Variants in RAD51AP2 observed in about 807,000 individuals in gnomAD.
The protein encoded by RAD51AP2 is RAD51 associated protein 2, also known as RAD51-associated protein 2.
A neutral mutation model predicts 85.5 loss-of-function variants in RAD51AP2; 67 were observed. That is an observed-to-expected ratio of 0.78 (90% CI 0.64 to 0.96). The LOEUF (loss-of-function observed/expected upper bound fraction) is 0.96, where lower values mean the gene tolerates loss of function less well. RAD51AP2 is among the 40% of genes least tolerant of loss of function. The pLI is 0.00. For synonymous variants in RAD51AP2, 474 were observed against 446.5 expected (o/e 1.06, Z -0.78); for missense variants, 1,307 against 1,332.4 (o/e 0.98, Z 0.30).
the RAD51AP2 span, among the ~76,000 whole-genome samples, chr2:17,528,603 G>T: frequency 1.3e-5 from 2 of 152,150 alleles, no homozygotes; most frequent in Admixed American, 1.3e-4. Flanking sequence ...AGTACTTTGG[G>T]AAGTCAAGGA....
the RAD51AP2 span, among the ~76,000 whole-genome samples, chr2:17,530,879 A>G: frequency 6.6e-6 from 1 of 152,342 alleles, no homozygotes; most frequent in African/African-American, 2.4e-5. Flanking sequence ...TCCTTAATCC[A>G]TCAGATTCAA....
chr2:17,525,905 A>G, the RAD51AP2 span, among the ~76,000 whole-genome samples: 2 of 152,204 alleles, frequency 1.3e-5, no homozygotes, highest in South Asian at 4.1e-4. Flanking sequence ...GGCTTGGAAT[A>G]TAATGTGTAG....
chr2:17,521,037 G>A (rs1374821468), upstream of RAD51AP2, among the ~76,000 whole-genome samples: 1 of 151,880 alleles, frequency 6.6e-6, no homozygotes, highest in African/African-American at 2.4e-5. Context: ...GTATTGAGTT[G>A]TTTATATGTC....
chr2:17,520,183 G>T (rs1662826142), upstream of RAD51AP2, among the ~76,000 whole-genome samples: 1 of 152,012 alleles, frequency 6.6e-6, no homozygotes, highest in African/African-American at 2.4e-5. Flanking sequence ...CCATCCTGAA[G>T]AAACTTACAG....
chr2:17,527,049 GA>G, the RAD51AP2 span, among the ~76,000 whole-genome samples: 1 of 152,118 alleles, frequency 6.6e-6, no homozygotes, highest in Non-Finnish European at 1.5e-5. Context: ...AGAATTTTAA[GA>G]AGGCCAGAAA....
chr2:17,526,955 C>T, the RAD51AP2 span, among the ~76,000 whole-genome samples: 205 of 152,056 alleles, frequency 1.3e-3, 3 homozygotes, highest in African/African-American at 4.8e-3. Flanking sequence ...AAAATTCAGG[C>T]TTTTTGTTTT....
rs776432345 is a variant in RAD51AP2, at chr2:17,515,206, T to A, written c.3210A>T (p.Arg1070Ser). The change falls in exon 1 of 3, where the codon AGA becomes AGT. Residue 1070 changes from arginine to serine, a missense_variant. Physicochemically the swap from Arg to Ser is moderately radical, Grantham distance 110 (BLOSUM62 -1). This residue lies in a region of RAD51AP2 where 668 missense variants were observed against 671.0 expected (regional missense o/e 1.00). Coordinates refer to ENST00000399080, the MANE Select transcript of RAD51AP2 (RefSeq NM_001099218.3). The stretch of plus-strand genomic sequence containing the variant: ...TAGAGTAAAGTAATTCTTCCTCTGA[T>A]CTACTTGGATAACAACTCTCATTAG... ...EVPNESCYPSRSEEELLYSTS... is the reference protein window; with the variant it reads ...EVPNESCYPSSSEEELLYSTS... 13 of 1,596,080 alleles carry A rather than the reference T, an allele frequency of 8.1e-6. No individual in the cohort carries two copies. In the African/African-American group the frequency reaches 1.8e-4, roughly 21 times the overall value.
At chr2:17,537,061 T>C in the RAD51AP2 span, among the ~76,000 whole-genome samples, 5 of 152,372 alleles carry the variant, frequency 3.3e-5, no homozygotes, top group South Asian at 1.0e-3. Flanking sequence ...GGCTCATGCC[T>C]ATAATCTCAG....
chr2:17,518,248 G>T lies in RAD51AP2; in HGVS notation c.168C>A (p.Arg56=). The T allele has an allele frequency of 6.2e-7, 1 of 1,614,160 alleles. No homozygotes were observed. Among genetic ancestry groups the T allele is most frequent in the South Asian group, 1.1e-5 (1 of 91,080 alleles). Residue 56 remains arginine (R), a synonymous_variant, in exon 1 of 3, where the codon CGC becomes CGA. Coordinates refer to ENST00000399080, the MANE Select transcript of RAD51AP2 (RefSeq NM_001099218.3). ...CCCAGACTTTTTCCGCCTCAGACAA[G>T]CGAGGCACCAGAGGCAGTCGCCAGC... ...KAGWRLPLVP[R]LSEAEKVWEL...
rs1662737158 is a variant in RAD51AP2, at chr2:17,517,775, G to A, written c.641C>T (p.Ala214Val). The A allele has an allele frequency of 6.2e-7, 1 of 1,613,796 alleles. No homozygotes were observed. Among genetic ancestry groups the A allele is most frequent in the Non-Finnish European group, 8.5e-7 (1 of 1,179,766 alleles). ...TTTATTTGATGGCACAACACTGTTAGCTTTACATCTGTTCTTAATTTCATG... is the reference window on the plus strand; with the variant it reads ...TTTATTTGATGGCACAACACTGTTAACTTTACATCTGTTCTTAATTTCATG... ...PFHEIKNRCK[A>V]NSVVPSNKRE... is the part of the protein sequence containing the mutation. The change falls in exon 1 of 3, where the codon GCT (alanine) becomes GTT (valine). Residue 214 changes from alanine (A) to valine (V), a missense_variant. By Grantham distance (64) the Ala-to-Val change is moderately conservative. Transcript: ENST00000399080.
chr2:17,528,269 A>G, the RAD51AP2 span, among the ~76,000 whole-genome samples: 2 of 152,204 alleles, frequency 1.3e-5, no homozygotes, highest in East Asian at 3.8e-4. Flanking sequence ...CTCCTTGAAG[A>G]TATTTTATTG....
chr2:17,534,027 T>C, the RAD51AP2 span, among the ~76,000 whole-genome samples: 7 of 152,352 alleles, frequency 4.6e-5, no homozygotes, highest in South Asian at 1.2e-3. Flanking sequence ...TATTACTCCA[T>C]AGGATTTTCC....
At chr2:17,514,543 G>GA (rs997665824) in intron 1 of RAD51AP2, among the ~76,000 whole-genome samples, 2 of 151,188 alleles carry the variant, frequency 1.3e-5, no homozygotes, top group Non-Finnish European at 3.0e-5. Flanking sequence ...CGGCGGGGGG[G>GA]GTGGATCACA....
Position 17,517,256 on chromosome 2 carries a change from G to A in RAD51AP2, c.1160C>T (p.Thr387Ile), listed in dbSNP as rs1256321476. Residue 387 changes from threonine (T) to isoleucine (I), a missense_variant, in exon 1 of 3, where the codon ACC becomes ATC. By Grantham distance (89) the Thr-to-Ile change is moderately conservative (BLOSUM62 -1). This residue lies in a region of RAD51AP2 where 635 missense variants were observed against 643.6 expected (regional missense o/e 0.99). Transcript: ENST00000399080. The stretch of plus-strand genomic sequence containing the variant: ...CCAGTTTTGAGATTTTTCCAGCCTG[G>A]TAAGTACGTAACTGTCCAGACATTC... ...EAECLDSYVL[T>I]RLEKSQNWDC... The A allele has an allele frequency of 5.0e-6, 8 of 1,613,716 alleles. No homozygotes were observed. Among genetic ancestry groups the A allele is most frequent in the Non-Finnish European group, 6.8e-6 (8 of 1,179,918 alleles).
rs144231945 is a variant in RAD51AP2 at position 17,513,739 on chromosome 2, A to G, written c.3328+273T>C. ...TTAGATGTGTAAACTAGGCATATGC[A>G]ACACTTAACATATAGTCACTTTAAT... On this transcript the variant is annotated intron_variant, in intron 2 of 2. Transcript: ENST00000399080. Among the ~76,000 whole-genome samples, 13 of 152,330 alleles carry G rather than the reference A, an allele frequency of 8.5e-5. No individual in the cohort carries two copies. The East Asian group carries it at 2.1e-3, about 25-fold the overall frequency.
At position 17,516,780 on chromosome 2, in the gene RAD51AP2, C is replaced by A; in HGVS notation, c.1636G>T (p.Gly546Cys). ...LKCKKQIGII[G>C]IQNLITRNMN... ...TTTCTGGTTATTAGATTTTGAATAC[C>A]AATTATACCAATTTGCTTTTTACAC... The change falls in exon 1 of 3, where the codon GGT becomes TGT. Residue 546 changes from glycine to cysteine, a missense_variant. Gly to Cys is a radical substitution (Grantham distance 159). Transcript: ENST00000399080. 6.5e-7 allele frequency: 1 copy of A among 1,549,914 alleles called. No individual in the cohort carries two copies. Among genetic ancestry groups the A allele is most frequent in the South Asian group, 1.2e-5 (1 of 82,068 alleles).
chr2:17,513,552 T>C (rs1157693216), intron 2 of RAD51AP2, among the ~76,000 whole-genome samples: 1 of 152,170 alleles, frequency 6.6e-6, no homozygotes, highest in Non-Finnish European at 1.5e-5. Flanking sequence ...GTATTTTTAA[T>C]GTAATCGAAA....
At chr2:17,523,419 G>C (rs1310794463), upstream of RAD51AP2, among the ~76,000 whole-genome samples, 2 of 151,826 alleles carry the variant, frequency 1.3e-5, no homozygotes, top group Non-Finnish European at 3.0e-5. Context: ...CTACAGATCA[G>C]AGCTTTTTTT....
rs866459116 is a variant in RAD51AP2 at position 17,515,286 on chromosome 2, G to C, written c.3130C>G (p.His1044Asp). Residue 1044 changes from histidine (H) to aspartate (D), a missense_variant, in exon 1 of 3, where the codon CAC becomes GAC. His to Asp is a moderately conservative substitution (Grantham distance 81, BLOSUM62 -1). Coordinates refer to ENST00000399080, the MANE Select transcript of RAD51AP2 (RefSeq NM_001099218.3). Reference sequence around the variant, plus strand: ...GTTTTCCATTTAAATAAACTTTGGTGACTTTTGCCCATATTAGGACCTGCT... The same window carrying C: ...GTTTTCCATTTAAATAAACTTTGGTCACTTTTGCCCATATTAGGACCTGCT... ...TIAGPNMGKS[H>D]QSLFKWKTVP... 2.5e-6 allele frequency: 4 copies of C among 1,613,594 alleles called. No homozygotes were observed. In the African/African-American group the frequency reaches 5.3e-5, roughly 22 times the overall value.
Sources: allele counts gnomAD v4.1 joint callset (sites outside exome capture counted in the v4.1 genomes callset), GRCh38; gene constraint gnomAD v4.1.1; regional missense constraint gnomAD v4.1.1; transcripts MANE v1.5; gene names NCBI Gene and HGNC (gene_info 2026-07-23, HGNC 2026-07-21).